SNTG1: variants seen among roughly 807,000 people sequenced by gnomAD.
The protein encoded by SNTG1 is syntrophin gamma 1.
Under a neutral mutation model 74.7 loss-of-function variants are expected in SNTG1, and 39 were observed. The observed-to-expected ratio is 0.52, with a 90% CI of 0.40 to 0.68. The LOEUF (loss-of-function observed/expected upper bound fraction) is 0.68. Ranked by LOEUF, SNTG1 falls within the 30% of genes least tolerant of loss-of-function variation. The pLI is 0.00. For missense variants in SNTG1, 685 were observed against 609.5 expected, an observed-to-expected ratio of 1.12 and a Z score of -1.30; for synonymous variants, 254 against 217.1, an observed-to-expected ratio of 1.17 and a Z score of -1.49.
At chr8:50,453,862 G>T (rs1287999736) in intron 8 of SNTG1, among the ~76,000 whole-genome samples, 1 of 152,184 alleles carries the variant, frequency 6.6e-6, no homozygotes, top group Non-Finnish European at 1.5e-5. Context: ...CAATGCTGCT[G>T]CTCAGCATCC....
At chr8:50,401,200 C>T (rs2092800773) in intron 3 of SNTG1, among the ~76,000 whole-genome samples, 1 of 151,998 alleles carries the variant, frequency 6.6e-6, no homozygotes, top group African/African-American at 2.4e-5. Context: ...ATGTCATTTC[C>T]AAAGTGGTCA....
At chr8:50,371,052 A>G (rs551243076) in intron 2 of SNTG1, among the ~76,000 whole-genome samples, 291 of 152,286 alleles carry the variant, frequency 1.9e-3, no homozygotes, top group African/African-American at 6.7e-3. Flanking sequence ...GAAATGCTAG[A>G]CTGGCCTTTG....
intron 2 of SNTG1, among the ~76,000 whole-genome samples, chr8:50,195,208 A>C (rs1285192345): frequency 6.6e-6 from 1 of 152,004 alleles, no homozygotes; most frequent in Admixed American, 6.6e-5. Flanking sequence ...CATGCAGGTC[A>C]TCAGGGAAGT....
At chr8:50,629,099 A>G (rs781509550) in intron 13 of SNTG1, among the ~76,000 whole-genome samples, 58 of 152,176 alleles carry the variant, frequency 3.8e-4, no homozygotes, top group South Asian at 1.0e-3. Flanking sequence ...GATGTTGATC[A>G]AAGGGTATAA....
chr8:50,392,721 AAGAAT>A lies in SNTG1; in HGVS notation c.-27-1486_-27-1482del, dbSNP rs571071231. Among the ~76,000 whole-genome samples, 140 of 152,310 alleles carry A rather than the reference AAGAAT, an allele frequency of 9.2e-4. 1 individual carries two copies. Among genetic ancestry groups the A allele is most frequent in the Middle Eastern group, 3.4e-3 (1 of 294 alleles). On this transcript the variant is annotated intron_variant, in intron 2 of 18. Transcript: ENST00000642720. ...ATTATCACCTAATGTTTTGATGAAA[AAGAAT>A]AGAAGATTAGAATTGAAAAAAGGAA...
intron 2 of SNTG1, among the ~76,000 whole-genome samples, chr8:50,249,055 G>C (rs75601234): frequency 0.063 from 9,560 of 152,022 alleles, 306 homozygotes; most frequent in Middle Eastern, 0.11. Flanking sequence ...CTGTCACACT[G>C]TATCTCCTAC....
At chr8:50,445,030 C>T (rs1371956865) in intron 5 of SNTG1, among the ~76,000 whole-genome samples, 4 of 152,158 alleles carry the variant, frequency 2.6e-5, no homozygotes, top group African/African-American at 7.2e-5. Context: ...GAAGAAATCT[C>T]ATATTTATTC....
intron 11 of SNTG1, among the ~76,000 whole-genome samples, chr8:50,540,636 G>T (rs978937814): frequency 1.3e-5 from 2 of 152,002 alleles, no homozygotes; most frequent in African/African-American, 4.8e-5. Flanking sequence ...TCTCTACATT[G>T]TTGAGTCAGT....
chr8:50,551,582 C>T (rs1428167859), intron 11 of SNTG1, among the ~76,000 whole-genome samples: 2 of 152,130 alleles, frequency 1.3e-5, no homozygotes, highest in East Asian at 3.9e-4. Context: ...GATGGTTAAA[C>T]TTCTGTCTGA....
chr8:50,068,718 A>G (rs1821105263), intron 1 of SNTG1, among the ~76,000 whole-genome samples: 2 of 151,828 alleles, frequency 1.3e-5, no homozygotes, highest in Non-Finnish European at 2.9e-5. Context: ...CTGTTGATTC[A>G]CTACAGTATC....
chr8:49,961,898 T>C (rs925559202), intron 1 of SNTG1, among the ~76,000 whole-genome samples: 3 of 152,200 alleles, frequency 2.0e-5, no homozygotes, highest in Admixed American at 1.3e-4. Context: ...TGAGTGTCCA[T>C]CCAAGTATAG....
At chr8:50,756,564 G>T (rs1202439564) in intron 18 of SNTG1, among the ~76,000 whole-genome samples, 1 of 151,730 alleles carries the variant, frequency 6.6e-6, no homozygotes, top group Non-Finnish European at 1.5e-5. Context: ...CTTAGTCAAA[G>T]ATTAGTTGAC....
At chr8:50,243,370 G>C (rs763342026) in intron 2 of SNTG1, among the ~76,000 whole-genome samples, 14 of 152,082 alleles carry the variant, frequency 9.2e-5, no homozygotes, top group Non-Finnish European at 1.6e-4. Context: ...TTCAATTATG[G>C]AGTAACTTTT....
chr8:50,546,617 G>C (rs951267233), intron 11 of SNTG1, among the ~76,000 whole-genome samples: 2 of 148,860 alleles, frequency 1.3e-5, no homozygotes, highest in African/African-American at 5.0e-5. Context: ...CCATGTATGA[G>C]TGAGAACATG....
chr8:50,768,348 G>A (rs997201195), intron 18 of SNTG1, among the ~76,000 whole-genome samples: 7 of 151,922 alleles, frequency 4.6e-5, no homozygotes, highest in African/African-American at 1.4e-4. Flanking sequence ...AAATGTTTCT[G>A]ATTTGAACAT....
At chr8:50,464,900 G>A (rs1317441540) in intron 8 of SNTG1, among the ~76,000 whole-genome samples, 78 of 150,414 alleles carry the variant, frequency 5.2e-4, no homozygotes, top group Non-Finnish European at 1.2e-4. Context: ...TCAAAATATT[G>A]TGAAAATTAC....
chr8:50,097,369 T>TA (rs34441640), intron 1 of SNTG1, among the ~76,000 whole-genome samples: 1 of 152,084 alleles, frequency 6.6e-6, no homozygotes, highest in Non-Finnish European at 1.5e-5. Flanking sequence ...AATGTAGCTT[T>TA]AAAAAAAATT....
intron 4 of SNTG1, among the ~76,000 whole-genome samples, chr8:50,419,900 G>A (rs935243536): frequency 3.3e-5 from 5 of 151,852 alleles, no homozygotes; most frequent in Admixed American, 6.6e-5. Flanking sequence ...TCAATGGTTG[G>A]GCACAACAGC....
At chr8:50,707,653 T>A (rs1389474996) in intron 16 of SNTG1, among the ~76,000 whole-genome samples, 1 of 152,132 alleles carries the variant, frequency 6.6e-6, no homozygotes, top group Non-Finnish European at 1.5e-5. Flanking sequence ...AATGCAAGGA[T>A]AGGTGTTAAA....
Sources: gnomAD v4.1 joint callset for allele counts (sites outside exome capture counted in the v4.1 genomes callset) on GRCh38, gnomAD v4.1.1 for gene constraint, MANE v1.5 for transcripts, NCBI Gene and HGNC (gene_info 2026-07-23, HGNC 2026-07-21) for gene names.